The following AFG2A variants were observed in gnomAD, a reference collection of about 807,000 sequenced individuals.
AFG2A encodes the protein ATPase family gene 2 protein homolog A.
chr4:123,199,493 A>C, the AFG2A span, among the ~76,000 whole-genome samples: 11 of 83,012 alleles, frequency 1.3e-4, no homozygotes, highest in Non-Finnish European at 2.1e-4. Flanking sequence ...TTTTTTTGAG[A>C]TGGAGCCTTG....
the AFG2A span, among the ~76,000 whole-genome samples, chr4:123,245,765 G>A: frequency 1.3e-5 from 2 of 152,172 alleles, no homozygotes; most frequent in Admixed American, 1.3e-4. Flanking sequence ...ATAGCCTAAA[G>A]ACTGATTGAT....
At chr4:122,940,917 A>G in the AFG2A span, among the ~76,000 whole-genome samples, 1 of 150,698 alleles carries the variant, frequency 6.6e-6, no homozygotes, top group Admixed American at 6.6e-5. Context: ...TGTTTTTGTC[A>G]GGTTTGTCCA....
chr4:123,297,171 A>G, the AFG2A span, among the ~76,000 whole-genome samples: 1 of 152,180 alleles, frequency 6.6e-6, no homozygotes, highest in African/African-American at 2.4e-5. Context: ...ATTTTCATTT[A>G]GACTTCTTTC....
chr4:123,127,291 A>C, the AFG2A span, among the ~76,000 whole-genome samples: 1 of 152,244 alleles, frequency 6.6e-6, no homozygotes, highest in Admixed American at 6.5e-5. Context: ...CCAGGATCTG[A>C]GTAGAAACAG....
At chr4:122,986,587 C>T in the AFG2A span, among the ~76,000 whole-genome samples, 3 of 151,874 alleles carry the variant, frequency 2.0e-5, no homozygotes, top group Admixed American at 6.6e-5. Context: ...ACTTCAGGGA[C>T]TTGGCGGGAA....
chr4:122,949,801 C>T, the AFG2A span, among the ~76,000 whole-genome samples: 1 of 152,180 alleles, frequency 6.6e-6, no homozygotes, highest in Non-Finnish European at 1.5e-5. Context: ...GGATGTTCAT[C>T]CCCTTGCACA....
chr4:123,181,134 G>A, the AFG2A span, among the ~76,000 whole-genome samples: 3 of 152,006 alleles, frequency 2.0e-5, no homozygotes, highest in South Asian at 4.2e-4. Context: ...ACAGGCACCC[G>A]CCACCGCGCC....
At chr4:123,038,491 CTCTT>C in the AFG2A span, among the ~76,000 whole-genome samples, 1 of 151,996 alleles carries the variant, frequency 6.6e-6, no homozygotes, top group Non-Finnish European at 1.5e-5. Flanking sequence ...GACTTTTAAA[CTCTT>C]TGTACCAAAA....
the AFG2A span, among the ~76,000 whole-genome samples, chr4:123,262,359 T>C: frequency 9.8e-5 from 15 of 152,346 alleles, no homozygotes; most frequent in African/African-American, 3.4e-4. Context: ...AGAGCAGTGC[T>C]GTAGCGAAAG....
chr4:123,024,973 A>G, the AFG2A span, among the ~76,000 whole-genome samples: 1 of 151,982 alleles, frequency 6.6e-6, no homozygotes, highest in Non-Finnish European at 1.5e-5. Flanking sequence ...TTTTTCTTGG[A>G]AGGGAGCTAG....
chr4:123,024,578 CAG>C, the AFG2A span, among the ~76,000 whole-genome samples: 1 of 152,178 alleles, frequency 6.6e-6, no homozygotes, highest in African/African-American at 2.4e-5. Flanking sequence ...AGAAATTCCT[CAG>C]AGAAATTACC....
At chr4:123,137,642 A>G in the AFG2A span, among the ~76,000 whole-genome samples, 1 of 152,254 alleles carries the variant, frequency 6.6e-6, no homozygotes, top group South Asian at 2.1e-4. Flanking sequence ...TTTGCTGTAC[A>G]GTCTTAATCA....
the AFG2A span, among the ~76,000 whole-genome samples, chr4:123,142,168 T>C: frequency 6.6e-6 from 1 of 152,218 alleles, no homozygotes; most frequent in African/African-American, 2.4e-5. Flanking sequence ...AGTTTTTAAT[T>C]GTTTTTGGAT....
chr4:123,237,415 A>G, the AFG2A span, among the ~76,000 whole-genome samples: 3 of 151,768 alleles, frequency 2.0e-5, no homozygotes, highest in African/African-American at 7.2e-5. Context: ...CATGATGGCT[A>G]TAATCCCAGC....
At chr4:123,175,565 G>C in the AFG2A span, among the ~76,000 whole-genome samples, 1 of 152,186 alleles carries the variant, frequency 6.6e-6, no homozygotes, top group Non-Finnish European at 1.5e-5. Flanking sequence ...GACACAGCTG[G>C]TCTGAAGAGC....
At chr4:123,255,894 T>G in the AFG2A span, 5 of 1,119,856 alleles carry the variant, frequency 4.5e-6, no homozygotes, top group Non-Finnish European at 6.3e-6. Context: ...ACTTGTTTTA[T>G]TTACCAATTA....
chr4:123,063,110 T>C, the AFG2A span, among the ~76,000 whole-genome samples: 5 of 152,230 alleles, frequency 3.3e-5, no homozygotes, highest in Non-Finnish European at 7.3e-5. Context: ...GTGATTGTTT[T>C]ATCTAATTAG....
the AFG2A span, among the ~76,000 whole-genome samples, chr4:123,281,959 G>C: frequency 6.6e-6 from 1 of 152,162 alleles, no homozygotes; most frequent in Admixed American, 6.5e-5. Flanking sequence ...AATAGGCAGA[G>C]CACAGAGGAT....
the AFG2A span, among the ~76,000 whole-genome samples, chr4:123,201,891 C>T: frequency 6.6e-6 from 1 of 152,126 alleles, no homozygotes; most frequent in Admixed American, 6.5e-5. Context: ...CGCTGCACTC[C>T]AGCCTGGGCA....
Sources: gnomAD v4.1 joint callset for allele counts (sites outside exome capture counted in the v4.1 genomes callset) on GRCh38, gnomAD v4.1.1 for gene constraint, MANE v1.5 for transcripts, NCBI Gene and HGNC (gene_info 2026-07-23, HGNC 2026-07-21) for gene names.